Variants in HEMK2 observed in about 807,000 individuals in gnomAD.
The protein encoded by HEMK2 is HemK methyltransferase 2, ETF1 glutamine and histone H4 lysine.
At chr21:28,821,700 A>T in the HEMK2 span, among the ~76,000 whole-genome samples, 1 of 152,238 alleles carries the variant, frequency 6.6e-6, no homozygotes, top group South Asian at 2.1e-4. Context: ...AAGAATTTCC[A>T]GTGCCCCTCC....
At chr21:28,862,623 G>A in the HEMK2 span, among the ~76,000 whole-genome samples, 1 of 151,000 alleles carries the variant, frequency 6.6e-6, no homozygotes, top group Non-Finnish European at 1.5e-5. Flanking sequence ...TCCGGCCTGG[G>A]CGACAGAGCG....
At chr21:28,770,671 G>GCTCTCT in the HEMK2 span, among the ~76,000 whole-genome samples, 7 of 149,540 alleles carry the variant, frequency 4.7e-5, no homozygotes, top group East Asian at 7.9e-4. Flanking sequence ...AGCAAGTTCA[G>GCTCTCT]CTCTCTCTCT....
the HEMK2 span, among the ~76,000 whole-genome samples, chr21:28,731,130 G>A: frequency 6.6e-6 from 1 of 152,166 alleles, no homozygotes; most frequent in African/African-American, 2.4e-5. Flanking sequence ...TAAAAAAGTT[G>A]GGGGAAGGGA....
At chr21:28,817,469 C>A in the HEMK2 span, among the ~76,000 whole-genome samples, 4 of 152,138 alleles carry the variant, frequency 2.6e-5, no homozygotes, top group Non-Finnish European at 5.9e-5. Flanking sequence ...TACAAGTGAT[C>A]TCTCCATGAT....
At chr21:28,879,699 T>G in the HEMK2 span, among the ~76,000 whole-genome samples, 1 of 152,254 alleles carries the variant, frequency 6.6e-6, no homozygotes, top group Admixed American at 6.5e-5. Context: ...TTCCATCATT[T>G]AAGGTTCCTT....
At chr21:28,687,087 G>T in the HEMK2 span, among the ~76,000 whole-genome samples, 1 of 152,136 alleles carries the variant, frequency 6.6e-6, no homozygotes, top group Non-Finnish European at 1.5e-5. Context: ...TTCCACAGTG[G>T]GCCCCTCTCA....
the HEMK2 span, among the ~76,000 whole-genome samples, chr21:28,579,394 T>C: frequency 6.6e-6 from 1 of 152,206 alleles, no homozygotes; most frequent in South Asian, 2.1e-4. Context: ...GAACCTCTTA[T>C]TAGTTTCCTC....
chr21:28,585,820 AG>A, the HEMK2 span, among the ~76,000 whole-genome samples: 1 of 152,208 alleles, frequency 6.6e-6, no homozygotes, highest in African/African-American at 2.4e-5. Flanking sequence ...AAATTTTACC[AG>A]ATTATTGAAA....
chr21:28,747,036 A>G, the HEMK2 span, among the ~76,000 whole-genome samples: 193 of 152,370 alleles, frequency 1.3e-3, no homozygotes, highest in African/African-American at 4.4e-3. Context: ...CACGTGCAAT[A>G]TAGAGGCTCA....
At chr21:28,584,662 G>A in the HEMK2 span, among the ~76,000 whole-genome samples, 1 of 152,182 alleles carries the variant, frequency 6.6e-6, no homozygotes. Flanking sequence ...CTGGTGGAAT[G>A]GTGATCAGTG....
the HEMK2 span, among the ~76,000 whole-genome samples, chr21:28,677,543 A>G: frequency 8.6e-4 from 131 of 152,300 alleles, 1 homozygote; most frequent in African/African-American, 2.9e-3. Context: ...AGCTTTGAAG[A>G]GACTAGTGGT....
At chr21:28,787,185 C>A in the HEMK2 span, among the ~76,000 whole-genome samples, 106 of 152,308 alleles carry the variant, frequency 7.0e-4, 1 homozygote, top group Non-Finnish European at 1.2e-3. Flanking sequence ...ACTTGATCCT[C>A]ATCTCTCACC....
the HEMK2 span, among the ~76,000 whole-genome samples, chr21:28,599,208 G>A: frequency 1.3e-5 from 2 of 152,220 alleles, no homozygotes; most frequent in Non-Finnish European, 2.9e-5. Flanking sequence ...GTTCTTGATG[G>A]TGAAGTAGTG....
chr21:28,729,605 T>C, the HEMK2 span, among the ~76,000 whole-genome samples: 1 of 135,760 alleles, frequency 7.4e-6, no homozygotes, highest in African/African-American at 2.9e-5. Flanking sequence ...ACACGTACAA[T>C]ACACTAACAC....
the HEMK2 span, chr21:28,885,367 CGCGTGCGCAGGGCGTGCGCATGCGCAT>C: frequency 6.5e-7 from 1 of 1,527,406 alleles, no homozygotes; most frequent in South Asian, 1.2e-5. Context: ...GCGTTCCATG[CGCGTGCGCAGGGCGTGCGCATGCGCAT>C]GCGCATGCCC....
the HEMK2 span, among the ~76,000 whole-genome samples, chr21:28,691,714 G>A: frequency 3.8e-4 from 49 of 129,128 alleles, no homozygotes; most frequent in Admixed American, 3.4e-3. Context: ...GTGATGTTAC[G>A]ATTCAACAGC....
the HEMK2 span, among the ~76,000 whole-genome samples, chr21:28,833,767 G>A: frequency 0.037 from 5,574 of 152,252 alleles, 165 homozygotes; most frequent in East Asian, 0.15. Flanking sequence ...TGCCTCTATC[G>A]TTTTCTCACT....
At chr21:28,653,692 C>T in the HEMK2 span, among the ~76,000 whole-genome samples, 2 of 152,142 alleles carry the variant, frequency 1.3e-5, no homozygotes, top group African/African-American at 4.8e-5. Flanking sequence ...TAAATGAAAG[C>T]ATTGCTGCTT....
chr21:28,714,155 T>C, the HEMK2 span, among the ~76,000 whole-genome samples: 4 of 152,234 alleles, frequency 2.6e-5, no homozygotes, highest in Non-Finnish European at 5.9e-5. Context: ...GCCTCTTCCA[T>C]AAAAATAGCC....
Sources: allele counts gnomAD v4.1 joint callset (sites outside exome capture counted in the v4.1 genomes callset), GRCh38; gene constraint gnomAD v4.1.1; transcripts MANE v1.5; gene names NCBI Gene and HGNC (gene_info 2026-07-23, HGNC 2026-07-21).